CACNA2D1: variants seen among roughly 807,000 people sequenced by gnomAD.
The protein encoded by CACNA2D1 is voltage-dependent calcium channel subunit alpha-2/delta-1.
In CACNA2D1, 53 loss-of-function variants were observed where a neutral mutation model predicts 171.5. The ratio of observed to expected loss-of-function variants is 0.31; its 90% CI spans 0.25 to 0.39. The LOEUF is 0.39. Ranked by LOEUF, CACNA2D1 falls within the 10% of genes least tolerant of loss-of-function variation. CACNA2D1 has a pLI of 1.00. For synonymous variants in CACNA2D1, 442 were observed against 443.1 expected (o/e 1.00, Z 0.03); for missense variants, 903 against 1,299.8 (o/e 0.69, Z 4.69).
At position 82,066,470 on chromosome 7, in the gene CACNA2D1, A is replaced by G. The variant is rs1475787253; in HGVS notation, c.713T>C (p.Val238Ala). 3.1e-6 allele frequency: 5 copies of G among 1,611,530 alleles called. No homozygotes were observed. The highest frequency in any genetic ancestry group is 4.2e-6 in the Non-Finnish European group (5 of 1,178,914). The stretch of plus-strand genomic sequence containing the variant: ...AAATTCTTACCATGGTCTTCTGCGT[A>G]CATCATAAAGGTCAATCTTATTTGG... ...RTPNKIDLYD[V>A]RRRPWYIQGA... The change falls in exon 8 of 39, where the codon GTA becomes GCA. Residue 238 changes from valine (V) to alanine (A), a missense_variant. Around this residue, in one of 5 missense-constraint regions of CACNA2D1, gnomAD observed 189 missense variants for 266.8 expected, o/e 0.71. Transcript: ENST00000356860.
rs116312518 is a variant in CACNA2D1, at chr7:82,178,169, G to A, written c.295-7560C>T. ...TGGCCAAGTGAAAAATAAAACTTTC[G>A]CCTCATAGCTTCTGGAGTGTGTCCT... On this transcript the variant is annotated intron_variant, in intron 3 of 38. Coordinates refer to ENST00000356860, the MANE Select transcript of CACNA2D1 (RefSeq NM_000722.4). Among the ~76,000 whole-genome samples, 1,011 of 152,076 alleles carry A rather than the reference G, an allele frequency of 6.6e-3. 13 individuals carry two copies. Among genetic ancestry groups the A allele is most frequent in the African/African-American group, 0.023 (946 of 41,520 alleles).
rs1034701015 is a variant in CACNA2D1, at chr7:82,404,175, A to G, written c.95+39190T>C. ...TCAAAATCTTGGATGGGAGTTCTAA[A>G]TAAGTTCTGGAAACTCTGGAGCCAA... On this transcript the variant is annotated intron_variant, in intron 1 of 38. Coordinates refer to ENST00000356860, the MANE Select transcript of CACNA2D1 (RefSeq NM_000722.4). Among the ~76,000 whole-genome samples, 8 of 152,306 alleles carry G rather than the reference A, an allele frequency of 5.3e-5. No homozygotes were observed. The South Asian group carries it at 8.3e-4, about 16-fold the overall frequency.
chr7:82,058,460 GA>G (rs1278007599), intron 10 of CACNA2D1, among the ~76,000 whole-genome samples: 1 of 152,086 alleles, frequency 6.6e-6, no homozygotes, highest in Non-Finnish European at 1.5e-5. Context: ...GGTTTGTTAT[GA>G]ACTATATGTT....
At chr7:82,100,128 A>G (rs1221176044) in intron 6 of CACNA2D1, among the ~76,000 whole-genome samples, 4 of 152,198 alleles carry the variant, frequency 2.6e-5, no homozygotes, top group Non-Finnish European at 5.9e-5. Flanking sequence ...ACACACTGCA[A>G]AAACCTTATA....
At chr7:82,323,497 G>A (rs1816258056) in intron 3 of CACNA2D1, among the ~76,000 whole-genome samples, 1 of 152,130 alleles carries the variant, frequency 6.6e-6, no homozygotes, top group Admixed American at 6.5e-5. Context: ...GTGGGTGTGA[G>A]ACCTGTGCAG....
At chr7:82,201,201 C>A (rs1235844630) in intron 3 of CACNA2D1, among the ~76,000 whole-genome samples, 1 of 152,108 alleles carries the variant, frequency 6.6e-6, no homozygotes, top group African/African-American at 2.4e-5. Context: ...ACATAGCAAG[C>A]AAGCCTGTGT....
chr7:81,984,930 G>A (rs898745765), intron 21 of CACNA2D1, among the ~76,000 whole-genome samples: 1 of 152,116 alleles, frequency 6.6e-6, no homozygotes, highest in Non-Finnish European at 1.5e-5. Context: ...GGAATCAGAA[G>A]AGACAAGTGG....
chr7:82,144,588 AC>A (rs986003779), intron 4 of CACNA2D1, among the ~76,000 whole-genome samples: 59 of 152,128 alleles, frequency 3.9e-4, no homozygotes, highest in Admixed American at 1.8e-3. Context: ...GTTAAAAAAA[AC>A]ATCAAAGAAG....
rs377463490 is a variant in CACNA2D1, at chr7:82,280,512, G to A, written c.294+54623C>T. Among the ~76,000 whole-genome samples, 23 of 152,102 alleles carry A rather than the reference G, an allele frequency of 1.5e-4. 1 individual carries two copies. The highest frequency in any genetic ancestry group is 7.7e-4 in the East Asian group (4 of 5,190). The stretch of plus-strand genomic sequence containing the variant: ...AGGCCTGTCTTCCTACTCCCAAGCT[G>A]TAGTCCAGCTCTGGAAGAAGCTAAT... On this transcript the variant is annotated intron_variant, in intron 3 of 38. Coordinates refer to ENST00000356860, the MANE Select transcript of CACNA2D1 (RefSeq NM_000722.4).
At chr7:82,148,303 C>G (rs1328341852) in intron 4 of CACNA2D1, among the ~76,000 whole-genome samples, 2 of 147,418 alleles carry the variant, frequency 1.4e-5, no homozygotes, top group African/African-American at 2.5e-5. Context: ...ACTAAGAAGT[C>G]TAAATGATGA....
intron 21 of CACNA2D1, 56 bp from the exon 22 acceptor site, chr7:81,984,767 TA>T (rs1412389000): frequency 2.8e-5 from 25 of 907,146 alleles, no homozygotes; most frequent in Admixed American, 4.0e-5. Flanking sequence ...AAACATAACT[TA>T]AAAAAAAGAC....
intron 6 of CACNA2D1, among the ~76,000 whole-genome samples, chr7:82,099,036 A>G (rs549080538): frequency 6.6e-6 from 1 of 152,326 alleles, no homozygotes; most frequent in South Asian, 2.1e-4. Context: ...ACTGAAATGA[A>G]TTTTACCATT....
At chr7:82,269,307 A>T (rs1006281455) in intron 3 of CACNA2D1, among the ~76,000 whole-genome samples, 24 of 151,906 alleles carry the variant, frequency 1.6e-4, no homozygotes, top group Non-Finnish European at 2.9e-4. Context: ...TTTTTCATAC[A>T]TTTTACAGAC....
chr7:82,354,808 T>A (rs1820237804), intron 1 of CACNA2D1, among the ~76,000 whole-genome samples: 1 of 152,068 alleles, frequency 6.6e-6, no homozygotes, highest in South Asian at 2.1e-4. Context: ...TTCAGATGAA[T>A]GTGGGGCAGA....
At chr7:82,400,811 C>A (rs1158256659) in intron 1 of CACNA2D1, among the ~76,000 whole-genome samples, 2 of 150,922 alleles carry the variant, frequency 1.3e-5, no homozygotes, top group Admixed American at 6.6e-5. Context: ...ACTCATCTGA[C>A]AAAGGGCTAA....
chr7:81,983,370 CAAAA>C (rs370937261), intron 22 of CACNA2D1, 36 bp from the exon 23 acceptor site: 2 of 1,212,956 alleles, frequency 1.6e-6, no homozygotes, highest in African/African-American at 3.3e-5. Context: ...AGCAGGGAAA[CAAAA>C]AAAAAAGAGG....
rs147275891 is a variant in CACNA2D1, at chr7:82,087,145, C to T, written c.527-2245G>A. ...GCATTGCACACCTATCACATCAGTA[C>T]GGTTTATAAATTTGATATACCCAAT... On this transcript the variant is annotated intron_variant, in intron 6 of 38. Transcript: ENST00000356860. 7.9e-4 allele frequency among the ~76,000 whole-genome samples: 120 copies of T among 152,202 alleles called. 1 individual carries two copies. In the South Asian group the frequency reaches 0.012, roughly 16 times the overall value.
chr7:82,142,405 G>T lies in CACNA2D1; in HGVS notation c.355-5729C>A, dbSNP rs1460159413. On this transcript the variant is annotated intron_variant, in intron 4 of 38. Coordinates refer to ENST00000356860, the MANE Select transcript of CACNA2D1 (RefSeq NM_000722.4). ...AAATAGACCTTTCCATCTTAAAAAT[G>T]TATATTGTGAGTGACAGCCCCTTGC... Among the ~76,000 whole-genome samples the T allele has an allele frequency of 2.0e-5, 3 of 152,238 alleles. No homozygotes were observed. The East Asian group carries it at 5.8e-4, about 29-fold the overall frequency.
At chr7:82,410,688 C>G (rs1252754168) in intron 1 of CACNA2D1, among the ~76,000 whole-genome samples, 1 of 152,162 alleles carries the variant, frequency 6.6e-6, no homozygotes, top group African/African-American at 2.4e-5. Context: ...TAGCAGAGCT[C>G]TAAAAATAAA....
Sources: allele counts gnomAD v4.1 joint callset (sites outside exome capture counted in the v4.1 genomes callset), GRCh38; gene constraint gnomAD v4.1.1; regional missense constraint gnomAD v4.1.1; transcripts MANE v1.5; gene names NCBI Gene and HGNC (gene_info 2026-07-23, HGNC 2026-07-21).